RASA4B: variants seen among roughly 807,000 people sequenced by gnomAD.
RASA4B encodes the protein RAS p21 protein activator 4B.
In RASA4B, 2 loss-of-function variants were observed where a neutral mutation model predicts 24.2. The observed-to-expected ratio is 0.08, with a 90% CI of 0.03 to 0.26. The LOEUF is 0.26. Ranked by LOEUF, RASA4B falls within the 10% of genes least tolerant of loss-of-function variation. RASA4B has a pLI of 1.00. For synonymous variants in RASA4B, 2 were observed against 125.6 expected, an observed-to-expected ratio of 0.02 and a Z score of 6.58; for missense variants, 8 against 277.2, an observed-to-expected ratio of 0.03 and a Z score of 6.90.
intron 6 of RASA4B, among the ~76,000 whole-genome samples, chr7:102,502,668 G>T (rs1799361120): frequency 8.8e-6 from 1 of 114,266 alleles, no homozygotes; most frequent in African/African-American, 2.7e-5. Flanking sequence ...GCTGAGGCAG[G>T]AGAATCTCTC....
rs1438477200 is a variant in RASA4B, at chr7:102,494,036, AC to A, written c.1516-68del. ...GGGCCTAGCCACTGCACCCCCTCCC[AC>A]CCCCCCTCCCCAAGTCTTTGCTACT... On this transcript the variant is annotated intron_variant, in intron 14 of 20. Transcript: ENST00000465829. 6 of 104,052 alleles carry A rather than the reference AC, an allele frequency of 5.8e-5. 1 individual carries two copies. Among genetic ancestry groups the A allele is most frequent in the South Asian group, 6.7e-5 (1 of 14,922 alleles). 6.4% of individuals were successfully genotyped at this position (104,052 alleles called of 1,614,324 possible).
rs1284018253 is a variant in RASA4B, at chr7:102,482,076, G to A, written c.*1516C>T. Among the ~76,000 whole-genome samples, 2 of 150,316 alleles carry A rather than the reference G, an allele frequency of 1.3e-5. No homozygotes were observed. Among genetic ancestry groups the A allele is most frequent in the Admixed American group, 1.3e-4 (2 of 15,028 alleles). ...GAGGTTGGCTGAGCCAGGTCTGGGG[G>A]CCTCAGGGACTTCTGTGTCCTCATA... On this transcript the variant is annotated 3_prime_UTR_variant, in exon 21 of 21. Transcript: ENST00000465829.
At chr7:102,506,204 G>A (rs1799495723) in intron 5 of RASA4B, among the ~76,000 whole-genome samples, 1 of 151,942 alleles carries the variant, frequency 6.6e-6, no homozygotes, top group Admixed American at 6.6e-5. Context: ...AATCACCCAA[G>A]AAGCATCTTC....
In RASA4B at chr7:102,480,354, G is replaced by C. The variant is rs1338426379; in HGVS notation, c.*3238C>G. On this transcript the variant is annotated 3_prime_UTR_variant, in exon 21 of 21. Transcript: ENST00000465829. Reference sequence around the variant, plus strand: ...GGGTTGGCAGAAGCCAGCAAGGCTTGGGGTTTCCCTGTTTGGAGCTCTCCA... The same window carrying C: ...GGGTTGGCAGAAGCCAGCAAGGCTTCGGGTTTCCCTGTTTGGAGCTCTCCA... 2.0e-4 allele frequency among the ~76,000 whole-genome samples: 31 copies of C among 151,772 alleles called. No homozygotes were observed. The highest frequency in any genetic ancestry group is 1.7e-3 in the Admixed American group (26 of 15,150).
At chr7:102,487,465 G>A (rs1230167439) in intron 18 of RASA4B, among the ~76,000 whole-genome samples, 1 of 21,576 alleles carries the variant, frequency 4.6e-5, no homozygotes, top group African/African-American at 8.3e-5. Context: ...CCACAGCTCC[G>A]GATTCAGATG....
chr7:102,495,891 G>A (rs1168897840), intron 11 of RASA4B, among the ~76,000 whole-genome samples: 1 of 146,470 alleles, frequency 6.8e-6, no homozygotes, highest in South Asian at 2.2e-4. Context: ...ATTTTTAGTA[G>A]AGATGGGGTT....
intron 8 of RASA4B, among the ~76,000 whole-genome samples, chr7:102,498,504 C>G (rs1440847043): frequency 6.9e-6 from 1 of 145,862 alleles, no homozygotes; most frequent in East Asian, 2.0e-4. Context: ...TCATGATCCA[C>G]CCGCCTCGGC....
At chr7:102,489,201 GC>G in intron 17 of RASA4B, 1 of 333,182 alleles carries the variant, frequency 3.0e-6, no homozygotes, top group Non-Finnish European at 5.9e-6. Context: ...TCCAGAACCC[GC>G]CAAATATATT....
chr7:102,499,193 A>AATATAT (rs772277888), intron 8 of RASA4B, among the ~76,000 whole-genome samples: 1,843 of 100,298 alleles, frequency 0.018, 93 homozygotes, highest in Non-Finnish European at 0.026. Context: ...TCAAAAAAAA[A>AATATAT]ATATATATAT....
intron 5 of RASA4B, among the ~76,000 whole-genome samples, chr7:102,505,074 CT>C (rs1292344268): frequency 5.8e-5 from 6 of 102,582 alleles, no homozygotes; most frequent in Non-Finnish European, 3.9e-5. Flanking sequence ...AGGAAATGTT[CT>C]TTCTTTCTCC....
rs957783699 is a variant in RASA4B, at chr7:102,480,307, G to C, written c.*3285C>G. 2.0e-5 allele frequency among the ~76,000 whole-genome samples: 3 copies of C among 151,984 alleles called. No individual in the cohort carries two copies. Among genetic ancestry groups the C allele is most frequent in the African/African-American group, 4.8e-5 (2 of 41,434 alleles). On this transcript the variant is annotated 3_prime_UTR_variant, in exon 21 of 21. Coordinates refer to ENST00000465829, the MANE Select transcript of RASA4B (RefSeq NM_001367767.2). The stretch of plus-strand genomic sequence containing the variant: ...TGAGGGTGGTGAGGTGGTGATCAGG[G>C]GGACCCATGCTTCTGCTCAGGGGGT...
chr7:102,511,894 C>A (rs1376223336), intron 2 of RASA4B, 31 bp downstream of exon 2: 2 of 2,686 alleles, frequency 7.4e-4, no homozygotes, highest in African/African-American at 2.8e-3. Flanking sequence ...AGAGGCTGAG[C>A]GCCCCTCGGT....
chr7:102,507,686 G>T (rs1799573012), intron 4 of RASA4B, among the ~76,000 whole-genome samples: 1 of 152,062 alleles, frequency 6.6e-6, no homozygotes, highest in African/African-American at 2.4e-5. Context: ...CCTCCCCTAG[G>T]GCTGCTGGGA....
chr7:102,489,639 C>T (rs1345237895), intron 17 of RASA4B, among the ~76,000 whole-genome samples: 9 of 149,364 alleles, frequency 6.0e-5, no homozygotes, highest in Non-Finnish European at 1.0e-4. Flanking sequence ...ACTACAGGCA[C>T]CCACCACCAC....
At chr7:102,511,607 G>A (rs1459502514) in intron 2 of RASA4B, among the ~76,000 whole-genome samples, 2 of 51,252 alleles carry the variant, frequency 3.9e-5, no homozygotes, top group African/African-American at 1.3e-4. Context: ...AACTAAACGG[G>A]CTGGAAAAGG....
rs1471968219 is a variant in RASA4B at position 102,481,234 on chromosome 7, T to TTTTTTTTA, written c.*2357_*2358insTAAAAAAA. The stretch of plus-strand genomic sequence containing the variant: ...TTTCCCTTTTTTTTTTTTTTTTTTT[T>TTTTTTTTA]AATTTTAGGGACTAGGTTTTGCTAT... On this transcript the variant is annotated 3_prime_UTR_variant, in exon 21 of 21. Coordinates refer to ENST00000465829, the MANE Select transcript of RASA4B (RefSeq NM_001367767.2). 4.4e-4 allele frequency among the ~76,000 whole-genome samples: 25 copies of TTTTTTTTA among 56,592 alleles called. No homozygotes were observed. The highest frequency in any genetic ancestry group is 1.0e-3 in the African/African-American group (20 of 19,370). The allele number at this position is 56,592 out of a possible 152,430, so 37.1% of individuals were successfully genotyped here.
chr7:102,500,443 GC>G (rs1158713873), intron 8 of RASA4B, among the ~76,000 whole-genome samples: 1 of 140,510 alleles, frequency 7.1e-6, no homozygotes, highest in Non-Finnish European at 1.6e-5. Flanking sequence ...TTGCACTCCA[GC>G]CTGGGGACAG....
chr7:102,486,961 G>GGCCCC, intron 18 of RASA4B, among the ~76,000 whole-genome samples: 1 of 18,526 alleles, frequency 5.4e-5, no homozygotes, highest in African/African-American at 8.9e-5. Context: ...ACAGGCGTGA[G>GGCCCC]CCACCACACC....
At chr7:102,495,984 G>C (rs575789201) in intron 11 of RASA4B, among the ~76,000 whole-genome samples, 156 bp downstream of exon 11, 3 of 151,536 alleles carry the variant, frequency 2.0e-5, no homozygotes, top group African/African-American at 7.2e-5. Context: ...TGCAATTACA[G>C]GCATGAGCCA....
Sources: allele counts gnomAD v4.1 joint callset (sites outside exome capture counted in the v4.1 genomes callset), GRCh38; gene constraint gnomAD v4.1.1; transcripts MANE v1.5; gene names NCBI Gene and HGNC (gene_info 2026-07-23, HGNC 2026-07-21).